Variants in CACNA2D4 observed in about 807,000 individuals in gnomAD.
CACNA2D4 encodes the protein voltage-dependent calcium channel subunit alpha-2/delta-4.
In CACNA2D4, 157 loss-of-function variants were observed where a neutral mutation model predicts 163.8. That is an observed-to-expected ratio of 0.96 (90% CI 0.84 to 1.09). CACNA2D4 has a LOEUF of 1.09. Among genes scored for constraint, CACNA2D4 ranks in the 50% least tolerant of loss-of-function variants. The pLI, the probability that CACNA2D4 is intolerant of heterozygous loss-of-function variation, is 0.00. For synonymous variants in CACNA2D4, 598 were observed against 586.9 expected, an observed-to-expected ratio of 1.02 and a Z score of -0.27; for missense variants, 1,410 against 1,479.9, an observed-to-expected ratio of 0.95 and a Z score of 0.78.
intron 6 of CACNA2D4, among the ~76,000 whole-genome samples, chr12:1,887,661 G>T (rs1866180282): frequency 6.6e-6 from 1 of 152,210 alleles, no homozygotes; most frequent in Non-Finnish European, 1.5e-5. Flanking sequence ...CCCAGTAGCA[G>T]AATGCTGGTG....
intron 6 of CACNA2D4, among the ~76,000 whole-genome samples, chr12:1,897,797 A>G (rs536718616): frequency 6.6e-6 from 1 of 152,334 alleles, no homozygotes; most frequent in East Asian, 1.9e-4. Flanking sequence ...GTAGGAGTTA[A>G]TAAGGATCAA....
chr12:1,818,168 C>CA (rs1565683000), intron 26 of CACNA2D4, among the ~76,000 whole-genome samples: 2 of 148,514 alleles, frequency 1.3e-5, no homozygotes, highest in Non-Finnish European at 3.0e-5. Context: ...CCCCTCCGCC[C>CA]GGCAGCCGCC....
At chr12:1,825,801 T>G (rs1864291101) in intron 26 of CACNA2D4, among the ~76,000 whole-genome samples, 1 of 151,616 alleles carries the variant, frequency 6.6e-6, no homozygotes, top group African/African-American at 2.4e-5. Flanking sequence ...CAGGGAGTGA[T>G]GAGCAGCCTG....
intron 18 of CACNA2D4, among the ~76,000 whole-genome samples, chr12:1,864,466 C>G (rs1865596718): frequency 6.6e-6 from 1 of 152,222 alleles, no homozygotes; most frequent in Non-Finnish European, 1.5e-5. Context: ...ATGAACATCC[C>G]ATTTGATGAA....
intron 29 of CACNA2D4, among the ~76,000 whole-genome samples, chr12:1,808,294 C>T (rs1337545978): frequency 2.0e-5 from 3 of 152,220 alleles, no homozygotes; most frequent in African/African-American, 7.2e-5. Context: ...TAGGCCAAGC[C>T]TGGCTCACTG....
In CACNA2D4 at chr12:1,908,025, T is replaced by C; in HGVS notation, c.499A>G (p.Asn167Asp). 1 of 1,612,614 alleles carries C rather than the reference T, an allele frequency of 6.2e-7. No individual in the cohort carries two copies. The highest frequency in any genetic ancestry group is 8.5e-7 in the Non-Finnish European group (1 of 1,178,894). The change falls in exon 5 of 38, where the codon AAC (asparagine) becomes GAC (aspartate). Residue 167 changes from asparagine to aspartate, a missense_variant. Asn to Asp is a conservative substitution (Grantham distance 23). Transcript: ENST00000382722. ...FNESLVFDYYNSVLINERDEK... is the reference protein window; with the variant it reads ...FNESLVFDYYDSVLINERDEK... ...TCCCTCTCGTTGATCAGGACCGAGTTGTAATAGTCGAACTGGGGTGGACGG... is the reference window on the plus strand; with the variant it reads ...TCCCTCTCGTTGATCAGGACCGAGTCGTAATAGTCGAACTGGGGTGGACGG...
At chr12:1,912,744 A>G (rs1866859926) in intron 3 of CACNA2D4, among the ~76,000 whole-genome samples, 1 of 152,148 alleles carries the variant, frequency 6.6e-6, no homozygotes, top group African/African-American at 2.4e-5. Flanking sequence ...GTTCCTCACA[A>G]TGCTGCAGGC....
rs1407524365 is a variant in CACNA2D4 at position 1,918,378 on chromosome 12, G to T, written c.96C>A (p.Ser32Arg). The change falls in exon 1 of 38, where the codon AGC becomes AGA. Residue 32 changes from serine (S) to arginine (R), a missense_variant. Physicochemically the swap from Ser to Arg is moderately radical, Grantham distance 110 (BLOSUM62 -1). Coordinates refer to ENST00000382722, the MANE Select transcript of CACNA2D4 (RefSeq NM_172364.5). Reference protein sequence around the residue: ...PNFLANPSSSSRWIPLQPMPV... With the variant: ...PNFLANPSSSRRWIPLQPMPV... ...GCATTGGCTGGAGGGGAATCCAGCG[G>T]CTGCTGGAGCTGGGGTTTGCGAGGA... 6.2e-7 allele frequency: 1 copy of T among 1,603,124 alleles called. No individual in the cohort carries two copies. Among genetic ancestry groups the T allele is most frequent in the Non-Finnish European group, 8.5e-7 (1 of 1,175,144 alleles).
intron 26 of CACNA2D4, among the ~76,000 whole-genome samples, chr12:1,831,948 C>T (rs1476138477): frequency 6.6e-6 from 1 of 152,180 alleles, no homozygotes; most frequent in Admixed American, 6.5e-5. Context: ...CTGAAGAATA[C>T]AGCCATCTCT....
chr12:1,887,686 A>G (rs1866181477), intron 6 of CACNA2D4, among the ~76,000 whole-genome samples: 1 of 151,436 alleles, frequency 6.6e-6, no homozygotes, highest in Non-Finnish European at 1.5e-5. Flanking sequence ...TTTTTATCCT[A>G]TCCACCTAAT....
In CACNA2D4 at chr12:1,891,463, G is replaced by A. The variant is rs1457435341; in HGVS notation, c.782-4394C>T. Reference sequence around the variant, plus strand: ...CCATATAAAAGCAAATTTTAAAAATGGGAAGATGCAACTATTACACCAGAT... The same window carrying A: ...CCATATAAAAGCAAATTTTAAAAATAGGAAGATGCAACTATTACACCAGAT... On this transcript the variant is annotated intron_variant, in intron 6 of 37. Coordinates refer to ENST00000382722, the MANE Select transcript of CACNA2D4 (RefSeq NM_172364.5). 2.6e-5 allele frequency among the ~76,000 whole-genome samples: 4 copies of A among 152,122 alleles called. No individual in the cohort carries two copies. The South Asian group carries it at 8.3e-4, about 32-fold the overall frequency.
chr12:1,829,370 C>G lies in CACNA2D4; in HGVS notation c.2551+11369G>C, dbSNP rs113006069. Among the ~76,000 whole-genome samples, 1,051 of 152,174 alleles carry G rather than the reference C, an allele frequency of 6.9e-3. 15 individuals carry two copies. Among genetic ancestry groups the G allele is most frequent in the African/African-American group, 0.024 (978 of 41,518 alleles). ...GGGTGGTGGTATGGGGCTGGCTGATCTGGTAGCAGACGGGCTCAGAGGGGT... is the reference window on the plus strand; with the variant it reads ...GGGTGGTGGTATGGGGCTGGCTGATGTGGTAGCAGACGGGCTCAGAGGGGT... On this transcript the variant is annotated intron_variant, in intron 26 of 37. Transcript: ENST00000382722. The surrounding 1 kb of genome is among the most constrained non-coding windows in gnomAD (Gnocchi z 4.2).
At chr12:1,884,375 T>A (rs1866083407) in intron 11 of CACNA2D4, 54 bp from the exon 12 acceptor site, 1 of 1,404,654 alleles carries the variant, frequency 7.1e-7, no homozygotes, top group African/African-American at 1.4e-5. Context: ...CCATAAGTAA[T>A]GTTAACATTG....
At chr12:1,916,848 G>C (rs1405439560) in intron 1 of CACNA2D4, among the ~76,000 whole-genome samples, 1 of 152,078 alleles carries the variant, frequency 6.6e-6, no homozygotes, top group East Asian at 1.9e-4. Flanking sequence ...GGACAGGTGG[G>C]GCCAAGTCCT....
intron 26 of CACNA2D4, among the ~76,000 whole-genome samples, chr12:1,823,518 T>C (rs1864194899): frequency 1.3e-5 from 2 of 152,096 alleles, no homozygotes; most frequent in Admixed American, 6.5e-5. Flanking sequence ...CAGCTCCGCA[T>C]GTGGAACCCC....
chr12:1,907,668 G>A, intron 5 of CACNA2D4, 97 bp from the exon 6 acceptor site: 7 of 1,255,368 alleles, frequency 5.6e-6, no homozygotes, highest in Non-Finnish European at 6.8e-6. Flanking sequence ...TCTGGTGGGC[G>A]TGTCTGGTAA....
intron 26 of CACNA2D4, among the ~76,000 whole-genome samples, chr12:1,812,923 C>T (rs188026321): frequency 6.6e-6 from 1 of 152,274 alleles, no homozygotes; most frequent in African/African-American, 2.4e-5. Flanking sequence ...TCTCACTTCT[C>T]GAGTACCCAG....
Position 1,862,645 on chromosome 12 carries a change from T to G in CACNA2D4, c.1879-2439A>C, listed in dbSNP as rs546946462. Reference sequence around the variant, plus strand: ...CCAGGCTGGTCTTGAACTCCTGGCCTCAAGCGACCTGCTTACCTCGGCCTC... The same window carrying G: ...CCAGGCTGGTCTTGAACTCCTGGCCGCAAGCGACCTGCTTACCTCGGCCTC... On this transcript the variant is annotated intron_variant, in intron 18 of 37. Transcript: ENST00000382722. 3.9e-5 allele frequency among the ~76,000 whole-genome samples: 6 copies of G among 152,314 alleles called. No homozygotes were observed. In the South Asian group the frequency reaches 1.2e-3, roughly 32 times the overall value.
chr12:1,872,986 G>A (rs963678619), intron 18 of CACNA2D4, among the ~76,000 whole-genome samples: 1 of 152,164 alleles, frequency 6.6e-6, no homozygotes, highest in Non-Finnish European at 1.5e-5. Context: ...GGGAGATCTC[G>A]GAGCAGTTAC....
Sources: allele counts gnomAD v4.1 joint callset (sites outside exome capture counted in the v4.1 genomes callset), GRCh38; gene constraint gnomAD v4.1.1; non-coding constraint Gnocchi (gnomAD v3.1); transcripts MANE v1.5; gene names NCBI Gene and HGNC (gene_info 2026-07-23, HGNC 2026-07-21).